BACH2: variants seen among roughly 807,000 people sequenced by gnomAD.
BACH2 encodes the protein BACH transcriptional regulator 2, also known as transcription regulator protein BACH2.
In BACH2, 5 loss-of-function variants were observed where a neutral mutation model predicts 61.8. The ratio of observed to expected loss-of-function variants is 0.08; its 90% CI spans 0.04 to 0.17. BACH2 has a LOEUF of 0.17. BACH2 is among the 10% of genes least tolerant of loss of function. The pLI, the probability that BACH2 is intolerant of heterozygous loss-of-function variation, is 1.00. For missense variants in BACH2, 824 were observed against 1,091.1 expected (o/e 0.76, Z 3.45); for synonymous variants, 446 against 440.1 (o/e 1.01, Z -0.17).
At chr6:90,098,886 T>C (rs1382100048) in intron 4 of BACH2, among the ~76,000 whole-genome samples, 2 of 152,160 alleles carry the variant, frequency 1.3e-5, no homozygotes, top group Non-Finnish European at 2.9e-5. Flanking sequence ...CCAATTCAGC[T>C]GGCTACTCTG....
In BACH2 at chr6:90,123,177, C is replaced by T. The variant is rs376513644; in HGVS notation, c.-161-34068G>A. Among the ~76,000 whole-genome samples, 34 of 152,142 alleles carry T rather than the reference C, an allele frequency of 2.2e-4. 2 individuals carry two copies. The highest frequency in any genetic ancestry group is 7.7e-4 in the African/African-American group (32 of 41,492). Reference sequence around the variant, plus strand: ...TCCAAGGGGAGGTGTCCTTAGAAGACACAGAAGAGAAGACAGAGGAGAAGG... The same window carrying T: ...TCCAAGGGGAGGTGTCCTTAGAAGATACAGAAGAGAAGACAGAGGAGAAGG... On this transcript the variant is annotated intron_variant, in intron 4 of 8. Transcript: ENST00000257749.
chr6:89,942,861 C>A (rs1327714950), intron 7 of BACH2, among the ~76,000 whole-genome samples: 1 of 152,208 alleles, frequency 6.6e-6, no homozygotes, highest in East Asian at 1.9e-4. Context: ...GTTGACTCTT[C>A]CCCCTCTGGA....
At position 90,130,559 on chromosome 6, in the gene BACH2, C is replaced by T. The variant is rs1300363946; in HGVS notation, c.-161-41450G>A. On this transcript the variant is annotated intron_variant, in intron 4 of 8. Transcript: ENST00000257749. ...AGGCTTGAAGAGGTTAGATAACTTG[C>T]TTATGGTTATCATGCTAACAGAATA... is the stretch of plus-strand genomic sequence containing the variant. Among the ~76,000 whole-genome samples the T allele has an allele frequency of 2.6e-5, 4 of 152,176 alleles. No individual in the cohort carries two copies. In the East Asian group the frequency reaches 7.7e-4, roughly 29 times the overall value.
Position 90,008,677 on chromosome 6 carries a change from G to A in BACH2, c.168C>T (p.Ala56=), listed in dbSNP as rs146845001. The change falls in exon 6 of 9, where the codon GCC becomes GCT. Residue 56 remains alanine, a synonymous_variant. Transcript: ENST00000257749. The surrounding 1 kb of genome is among the most constrained non-coding windows in gnomAD (Gnocchi z 4.1). The part of the protein sequence containing the change: ...KEFRAHRAVL[A]ACSEYFWQAL... ...CCTGCCAAAAATATTCACTGCATGC[G>A]GCCAGCACAGCCCGGTGGGCCCGGA... is the stretch of plus-strand genomic sequence containing the variant. 304 of 1,614,148 alleles carry A rather than the reference G, an allele frequency of 1.9e-4. 2 individuals are homozygous for A. The African/African-American group carries it at 2.6e-3, about 14-fold the overall frequency.
At chr6:89,934,594 G>A (rs932769618) in intron 8 of BACH2, among the ~76,000 whole-genome samples, 9 of 152,112 alleles carry the variant, frequency 5.9e-5, no homozygotes, top group Non-Finnish European at 1.3e-4. Flanking sequence ...GGGAGGTGGA[G>A]GTTGCAGTGA....
chr6:90,034,145 T>C (rs983008589), intron 5 of BACH2, among the ~76,000 whole-genome samples: 5 of 152,166 alleles, frequency 3.3e-5, no homozygotes, highest in African/African-American at 1.2e-4. Flanking sequence ...CTGCTGGTTA[T>C]TTAGTTAGAA....
intron 4 of BACH2, among the ~76,000 whole-genome samples, chr6:90,108,958 GA>G (rs1783046948): frequency 6.6e-6 from 1 of 152,048 alleles, no homozygotes; most frequent in Admixed American, 6.5e-5. Flanking sequence ...ATCTGTTTCT[GA>G]ATTTACCTTC....
At chr6:90,243,202 C>T (rs1448074713) in intron 3 of BACH2, among the ~76,000 whole-genome samples, 1 of 151,878 alleles carries the variant, frequency 6.6e-6, no homozygotes, top group Non-Finnish European at 1.5e-5. Flanking sequence ...CCCAAATTAT[C>T]TGATTTCCAC....
At chr6:90,182,811 C>T (rs1422672318) in intron 4 of BACH2, among the ~76,000 whole-genome samples, 5 of 152,210 alleles carry the variant, frequency 3.3e-5, no homozygotes, top group Non-Finnish European at 2.9e-5. Flanking sequence ...GATCTTCACT[C>T]TCGCCTTTCC....
At chr6:90,057,971 C>T (rs1254004134) in intron 5 of BACH2, among the ~76,000 whole-genome samples, 6 of 152,148 alleles carry the variant, frequency 3.9e-5, no homozygotes, top group African/African-American at 1.4e-4. Context: ...TGGGACGTAT[C>T]TCAAAATAAT....
In BACH2 at chr6:90,172,970, T is replaced by C. The variant is rs181747357; in HGVS notation, c.-162+33599A>G. On this transcript the variant is annotated intron_variant, in intron 4 of 8. Transcript: ENST00000257749. ...CCAAATTAAAGAACTCTAAGGTTAC[T>C]GAACTGTTTGAGAAAAGAATGAATA... Among the ~76,000 whole-genome samples, 208 of 152,236 alleles carry C rather than the reference T, an allele frequency of 1.4e-3. 1 individual carries two copies. The highest frequency in any genetic ancestry group is 6.8e-3 in the Middle Eastern group (2 of 294).
chr6:90,265,596 T>A (rs1232039840), intron 2 of BACH2, among the ~76,000 whole-genome samples: 1 of 152,174 alleles, frequency 6.6e-6, no homozygotes, highest in Non-Finnish European at 1.5e-5. Context: ...AACAACTCAA[T>A]ATACCCAGGT....
chr6:89,978,780 A>G (rs1775793606), intron 6 of BACH2, among the ~76,000 whole-genome samples: 1 of 152,236 alleles, frequency 6.6e-6, no homozygotes, highest in South Asian at 2.1e-4. Context: ...TGGTACAAAT[A>G]AAGAGAATCT....
At chr6:90,120,589 C>A (rs1463990379) in intron 4 of BACH2, among the ~76,000 whole-genome samples, 1 of 152,182 alleles carries the variant, frequency 6.6e-6, no homozygotes, top group Non-Finnish European at 1.5e-5. Context: ...GGGTCCCTAT[C>A]TATGTTTGGC....
intron 5 of BACH2, among the ~76,000 whole-genome samples, chr6:90,055,943 G>T (rs993994539): frequency 1.3e-5 from 2 of 152,068 alleles, no homozygotes; most frequent in African/African-American, 2.4e-5. Context: ...TCACCACCAG[G>T]CCTGCCCTAA....
At chr6:90,130,657 T>C (rs1248623934) in intron 4 of BACH2, among the ~76,000 whole-genome samples, 1 of 152,168 alleles carries the variant, frequency 6.6e-6, no homozygotes, top group Non-Finnish European at 1.5e-5. Context: ...TTCATCCCAA[T>C]AGGAACCATC....
chr6:90,196,945 A>G (rs1297218458), intron 4 of BACH2, among the ~76,000 whole-genome samples: 1 of 152,240 alleles, frequency 6.6e-6, no homozygotes, highest in African/African-American at 2.4e-5. Flanking sequence ...CATTTACTAG[A>G]TGTCTACTGG....
rs558611280 is a variant in BACH2, at chr6:90,233,526, T to C, written c.-275+18987A>G. On this transcript the variant is annotated intron_variant, in intron 3 of 8. Coordinates refer to ENST00000257749, the MANE Select transcript of BACH2 (RefSeq NM_021813.4). ...GCATCCTTTAATGGCTATATGACCC[T>C]GGACAAGGTATCAAACTCTATGAGT... 3.3e-5 allele frequency among the ~76,000 whole-genome samples: 5 copies of C among 152,308 alleles called. No individual in the cohort carries two copies. The South Asian group carries it at 8.3e-4, about 25-fold the overall frequency.
chr6:89,948,746 C>A (rs1265267186), intron 7 of BACH2, among the ~76,000 whole-genome samples: 3 of 152,180 alleles, frequency 2.0e-5, no homozygotes, highest in African/African-American at 7.2e-5. Context: ...TTCGGGAAAG[C>A]TCAATCTTCC....
Sources: allele counts gnomAD v4.1 joint callset (sites outside exome capture counted in the v4.1 genomes callset), GRCh38; gene constraint gnomAD v4.1.1; non-coding constraint Gnocchi (gnomAD v3.1); transcripts MANE v1.5; gene names NCBI Gene and HGNC (gene_info 2026-07-23, HGNC 2026-07-21).